Variants in ARHGAP6 observed in about 807,000 individuals in gnomAD.
ARHGAP6 encodes rho GTPase-activating protein 6.
ARHGAP6 carries 16 observed loss-of-function variants against 55.7 expected under a neutral mutation model. The ratio of observed to expected loss-of-function variants is 0.29; its 90% CI spans 0.19 to 0.44. The LOEUF (loss-of-function observed/expected upper bound fraction) is 0.44. Ranked by LOEUF, ARHGAP6 falls within the 20% of genes least tolerant of loss-of-function variation. The pLI is 1.00. For missense variants in ARHGAP6, 698 were observed against 808.9 expected, an observed-to-expected ratio of 0.86 and a Z score of 1.66; for synonymous variants, 382 against 360.9, an observed-to-expected ratio of 1.06 and a Z score of -0.66.
intron 1 of ARHGAP6, among the ~76,000 whole-genome samples, chrX:11,570,376 A>G (rs1464381233): frequency 6.2e-5 from 7 of 112,026 alleles, no homozygotes; most frequent in Non-Finnish European, 1.1e-4. Flanking sequence ...ATATGAAAGT[A>G]TAAATATTTG....
At chrX:11,351,454 A>T in intron 1 of ARHGAP6, 1 of 963,856 alleles carries the variant, frequency 1.0e-6, no homozygotes. Flanking sequence ...CTCTCCCCAG[A>T]CTTGAAGGCT....
intron 1 of ARHGAP6, among the ~76,000 whole-genome samples, chrX:11,272,414 TTC>T (rs778289837): frequency 1.8e-5 from 2 of 110,741 alleles, no homozygotes; most frequent in African/African-American, 6.6e-5. Context: ...CTTGAACTTT[TTC>T]CAGGATCCAT....
At chrX:11,562,395 T>C (rs952427787) in intron 1 of ARHGAP6, among the ~76,000 whole-genome samples, 5 of 112,061 alleles carry the variant, frequency 4.5e-5, no homozygotes, top group Admixed American at 9.5e-5. Context: ...TCTTAAAATG[T>C]TCCTGTATAG....
chrX:11,498,981 G>C (rs1031358451), intron 1 of ARHGAP6, among the ~76,000 whole-genome samples: 1 of 111,758 alleles, frequency 8.9e-6, no homozygotes, highest in African/African-American at 3.3e-5. Context: ...TGCTGCATTT[G>C]GTCAGGGTCT....
At position 11,664,993 on chromosome X, in the gene ARHGAP6, C is replaced by T; in HGVS notation, c.-165G>A. On this transcript the variant is annotated 5_prime_UTR_variant, in exon 1 of 13. Coordinates refer to ENST00000337414, the MANE Select transcript of ARHGAP6 (RefSeq NM_013427.3). ...GCCCAGCTCACGCGCCGCCGGTGCG[C>T]TCCAAGTGCCCCGGCGGCGGCAGGA... 1 of 442,546 alleles carries T rather than the reference C, an allele frequency of 2.3e-6. No homozygotes were observed. The highest frequency in any genetic ancestry group is 3.6e-6 in the Non-Finnish European group (1 of 274,121). 36.5% of individuals were successfully genotyped at this position (442,546 alleles called of 1,213,427 possible). A position where few individuals can be genotyped will look rare whatever the true frequency, so the allele number is the denominator to read the frequency against.
At chrX:11,534,569 G>A (rs752155735) in intron 1 of ARHGAP6, among the ~76,000 whole-genome samples, 10 of 109,534 alleles carry the variant, frequency 9.1e-5, no homozygotes, top group Non-Finnish European at 1.9e-4. Flanking sequence ...ATTACCAACT[G>A]TCTTCTCGGG....
intron 1 of ARHGAP6, among the ~76,000 whole-genome samples, chrX:11,423,438 G>A (rs1035462853): frequency 8.9e-6 from 1 of 112,380 alleles, no homozygotes; most frequent in Non-Finnish European, 1.9e-5. Flanking sequence ...CTTCTGGTGA[G>A]TTCCTTAGGA....
At chrX:11,185,823 T>A (rs1276131217) in intron 5 of ARHGAP6, among the ~76,000 whole-genome samples, 3 of 109,144 alleles carry the variant, frequency 2.7e-5, no homozygotes, top group African/African-American at 1.0e-4. Flanking sequence ...GATTCCCCAA[T>A]TTTTTTTTTA....
intron 1 of ARHGAP6, among the ~76,000 whole-genome samples, chrX:11,371,984 ATAT>A (rs1253377939): frequency 1.8e-5 from 2 of 112,548 alleles, no homozygotes; most frequent in Non-Finnish European, 3.8e-5. Flanking sequence ...AAATGAAAAA[ATAT>A]ATATTTAAAT....
chrX:11,572,948 C>T (rs750138913), intron 1 of ARHGAP6, among the ~76,000 whole-genome samples: 6 of 112,082 alleles, frequency 5.4e-5, no homozygotes, highest in East Asian at 2.8e-4. Flanking sequence ...AGTGATGATA[C>T]GCATTTTTTC....
At chrX:11,463,186 C>T (rs777852055) in intron 1 of ARHGAP6, among the ~76,000 whole-genome samples, 2 of 111,804 alleles carry the variant, frequency 1.8e-5, no homozygotes, top group Non-Finnish European at 3.8e-5. Context: ...AGTTACGTAA[C>T]GTGCAAATAT....
At chrX:11,590,828 A>AAAGAG (rs2051803959) in intron 1 of ARHGAP6, among the ~76,000 whole-genome samples, 1 of 52,071 alleles carries the variant, frequency 1.9e-5, no homozygotes, top group African/African-American at 1.2e-4. Context: ...AAAGAAAAGA[A>AAAGAG]AAGAAAAGAA....
intron 1 of ARHGAP6, among the ~76,000 whole-genome samples, chrX:11,398,541 T>G (rs1052381842): frequency 8.0e-5 from 9 of 111,890 alleles, no homozygotes; most frequent in Non-Finnish European, 1.7e-4. Flanking sequence ...TTTTCCTAGA[T>G]ATAAGAAATT....
At chrX:11,240,876 C>T (rs1418844019) in intron 2 of ARHGAP6, among the ~76,000 whole-genome samples, 2 of 91,038 alleles carry the variant, frequency 2.2e-5, no homozygotes, top group Non-Finnish European at 4.1e-5. Context: ...GAAATCCTGT[C>T]TGTACTAAAA....
chrX:11,433,589 C>T lies in ARHGAP6; in HGVS notation c.589-178882G>A, dbSNP rs1264669737. Among the ~76,000 whole-genome samples the T allele has an allele frequency of 4.4e-5, 5 of 112,488 alleles. No individual in the cohort carries two copies. In the East Asian group the frequency reaches 8.4e-4, roughly 19 times the overall value. Reference sequence around the variant, plus strand: ...TTTATATCCATAATCTAATGTTAGTCTATTGCCTTCATTCCTCTGATCATA... The same window carrying T: ...TTTATATCCATAATCTAATGTTAGTTTATTGCCTTCATTCCTCTGATCATA... On this transcript the variant is annotated intron_variant, in intron 1 of 12. Transcript: ENST00000337414.
intron 1 of ARHGAP6, among the ~76,000 whole-genome samples, chrX:11,326,874 C>T (rs1024341683): frequency 9.0e-6 from 1 of 111,645 alleles, no homozygotes; most frequent in Admixed American, 9.5e-5. Context: ...AAAATAAAAG[C>T]ATTTTTAAAA....
chrX:11,171,015 G>C (rs936809888), intron 8 of ARHGAP6, among the ~76,000 whole-genome samples: 1 of 111,339 alleles, frequency 9.0e-6, no homozygotes, highest in South Asian at 3.8e-4. Flanking sequence ...CAGTGGTGTG[G>C]CAGGAATGAG....
intron 1 of ARHGAP6, among the ~76,000 whole-genome samples, chrX:11,553,308 C>A (rs1173616518): frequency 2.8e-5 from 3 of 108,770 alleles, no homozygotes; most frequent in African/African-American, 1.0e-4. Context: ...GTGCTGCAAT[C>A]ATGTCTCACT....
chrX:11,494,874 A>T (rs1008783135), intron 1 of ARHGAP6, among the ~76,000 whole-genome samples: 1 of 112,249 alleles, frequency 8.9e-6, no homozygotes, highest in Admixed American at 9.5e-5. Context: ...TTGCATATCT[A>T]AATAAATGAC....
Sources: gnomAD v4.1 joint callset for allele counts (sites outside exome capture counted in the v4.1 genomes callset) on GRCh38, gnomAD v4.1.1 for gene constraint, MANE v1.5 for transcripts, NCBI Gene and HGNC (gene_info 2026-07-23, HGNC 2026-07-21) for gene names.